SYT16: variants seen among roughly 807,000 people sequenced by gnomAD.
SYT16 encodes synaptotagmin-16.
A neutral mutation model predicts 61.4 loss-of-function variants in SYT16; 42 were observed. The observed-to-expected ratio is 0.68, with a 90% CI of 0.53 to 0.89. The LOEUF is 0.89. Among genes scored for constraint, SYT16 ranks in the 40% least tolerant of loss-of-function variants. The pLI is 0.00. For synonymous variants in SYT16, 314 were observed against 302.3 expected, an observed-to-expected ratio of 1.04 and a Z score of -0.40; for missense variants, 804 against 807.3, an observed-to-expected ratio of 1.00 and a Z score of 0.05.
At chr14:61,841,053 G>T (rs1292839515) in intron 1 of SYT16, among the ~76,000 whole-genome samples, 1 of 152,140 alleles carries the variant, frequency 6.6e-6, no homozygotes. Flanking sequence ...CAGTTTTGGG[G>T]ACTAGTAACC....
intron 7 of SYT16, among the ~76,000 whole-genome samples, chr14:62,090,679 A>G (rs533337358): frequency 5.3e-5 from 8 of 152,338 alleles, no homozygotes; most frequent in Admixed American, 4.6e-4. Context: ...TCATGATGAT[A>G]TCAAAGTTAA....
rs199836097 is a variant in SYT16, at chr14:61,855,946, G to A, written c.-325+43136G>A. Among the ~76,000 whole-genome samples, 15 of 152,334 alleles carry A rather than the reference G, an allele frequency of 9.8e-5. No individual in the cohort carries two copies. The East Asian group carries it at 2.9e-3, about 29-fold the overall frequency. ...TACAAGTAACATTTAAAATTAACAT[G>A]TGAATTTTATATCTTCCCATTCAAA... On this transcript the variant is annotated intron_variant, in intron 1 of 7. Coordinates refer to ENST00000683842, the MANE Select transcript of SYT16 (RefSeq NM_001367656.1).
intron 3 of SYT16, among the ~76,000 whole-genome samples, chr14:62,003,198 G>A (rs2053090349): frequency 1.3e-5 from 2 of 151,952 alleles, no homozygotes; most frequent in Non-Finnish European, 2.9e-5. Context: ...ATCTTGGTGG[G>A]GCTTCTTATT....
chr14:62,029,188 G>A (rs2054214583), intron 3 of SYT16, among the ~76,000 whole-genome samples: 2 of 152,278 alleles, frequency 1.3e-5, no homozygotes, highest in South Asian at 4.1e-4. Flanking sequence ...GAGTGCAGTG[G>A]CATGATCTCA....
intron 1 of SYT16, among the ~76,000 whole-genome samples, chr14:61,908,868 G>A (rs1013690823): frequency 1.2e-4 from 18 of 152,026 alleles, no homozygotes; most frequent in Non-Finnish European, 2.5e-4. Flanking sequence ...TGTCACCCAG[G>A]CTGGAGTGCA....
Position 62,099,875 on chromosome 14 carries a change from G to C in SYT16, c.1625-519G>C, listed in dbSNP as rs72720811. On this transcript the variant is annotated intron_variant, in intron 7 of 7. Transcript: ENST00000683842. ...CCTGGGCAACGGAGCAAGACCTTGT[G>C]TGTCTGTCTGTCTGTCTGTCTGTCT... Among the ~76,000 whole-genome samples the C allele has an allele frequency of 2.8e-4, 13 of 46,506 alleles. 1 individual carries two copies. The highest frequency in any genetic ancestry group is 7.6e-4 in the East Asian group (1 of 1,316). The allele number at this position is 46,506 out of a possible 152,430, so 30.5% of individuals were successfully genotyped here.
intron 1 of SYT16, among the ~76,000 whole-genome samples, chr14:61,820,235 G>T (rs2045570022): frequency 6.6e-6 from 1 of 152,176 alleles, no homozygotes; most frequent in South Asian, 2.1e-4. Flanking sequence ...TGAGCATGTG[G>T]ATTTGTGAAA....
chr14:62,084,643 T>C (rs768062323), intron 7 of SYT16, among the ~76,000 whole-genome samples: 2 of 152,182 alleles, frequency 1.3e-5, no homozygotes, highest in Non-Finnish European at 2.9e-5. Flanking sequence ...ATGAACAGCA[T>C]TTTCAGCAAC....
Position 61,942,955 on chromosome 14 carries a change from A to C in SYT16, c.-324-27177A>C, listed in dbSNP as rs567870169. 1.3e-3 allele frequency among the ~76,000 whole-genome samples: 193 copies of C among 152,294 alleles called. 1 individual carries two copies. Among genetic ancestry groups the C allele is most frequent in the African/African-American group, 3.6e-3 (151 of 41,560 alleles). ...AATGAATCCAGGAGCTGGTTTTTTG[A>C]AAAGATTAATAAAATAGATAGACCA... On this transcript the variant is annotated intron_variant, in intron 1 of 7. Coordinates refer to ENST00000683842, the MANE Select transcript of SYT16 (RefSeq NM_001367656.1).
intron 6 of SYT16, 47 bp from the exon 7 acceptor site, chr14:62,084,149 G>A: frequency 6.3e-7 from 1 of 1,578,442 alleles, no homozygotes; most frequent in African/African-American, 1.4e-5. Context: ...CTAAAAGAGA[G>A]TAGTGCAGCG....
chr14:61,951,311 C>T (rs1379046583), intron 1 of SYT16, among the ~76,000 whole-genome samples: 1 of 152,204 alleles, frequency 6.6e-6, no homozygotes, highest in Non-Finnish European at 1.5e-5. Flanking sequence ...TCCAGTTCTA[C>T]ACCTTACTTT....
rs371708869 is a variant in SYT16, at chr14:61,995,055, C to T, written c.-144-821C>T. Among the ~76,000 whole-genome samples, 10 of 151,332 alleles carry T rather than the reference C, an allele frequency of 6.6e-5. No homozygotes were observed. The East Asian group carries it at 1.7e-3, about 26-fold the overall frequency. ...CTGTAATAGCAATAAGATATATACACACATAATATACACACATATGTGTAT... is the reference window on the plus strand; with the variant it reads ...CTGTAATAGCAATAAGATATATACATACATAATATACACACATATGTGTAT... On this transcript the variant is annotated intron_variant, in intron 2 of 7. Transcript: ENST00000683842.
chr14:62,094,102 A>G (rs2057184991), intron 7 of SYT16, among the ~76,000 whole-genome samples: 1 of 152,094 alleles, frequency 6.6e-6, no homozygotes. Flanking sequence ...GACATTTATC[A>G]CTTCTCATAT....
intron 1 of SYT16, chr14:61,831,812 T>G (rs1018894323): frequency 3.3e-6 from 1 of 302,346 alleles, no homozygotes; most frequent in East Asian, 7.3e-5. Flanking sequence ...AGGCATGGAG[T>G]TATAGTATGG....
intron 1 of SYT16, among the ~76,000 whole-genome samples, chr14:61,826,960 T>C (rs902129593): frequency 6.6e-6 from 1 of 151,960 alleles, no homozygotes; most frequent in African/African-American, 2.4e-5. Context: ...TCGTGTTTTT[T>C]CCACTCTGCG....
intron 1 of SYT16, among the ~76,000 whole-genome samples, chr14:61,900,801 T>G (rs574828188): frequency 6.6e-6 from 1 of 152,310 alleles, no homozygotes; most frequent in Admixed American, 6.5e-5. Flanking sequence ...GCTTGGACTA[T>G]GTACCCACCA....
intron 2 of SYT16, among the ~76,000 whole-genome samples, chr14:61,974,381 C>T (rs1189864374): frequency 3.9e-5 from 6 of 152,170 alleles, no homozygotes; most frequent in Non-Finnish European, 8.8e-5. Context: ...GGCCCTTGTG[C>T]TTAGCTTAGT....
chr14:62,038,621 T>G (rs1029587113), intron 3 of SYT16, among the ~76,000 whole-genome samples: 1 of 152,086 alleles, frequency 6.6e-6, no homozygotes, highest in Non-Finnish European at 1.5e-5. Context: ...TTTGTGTCAT[T>G]TTGGTTTTGA....
At chr14:62,001,591 TGTGTTTTCTA>T (rs2053018629) in intron 3 of SYT16, among the ~76,000 whole-genome samples, 1 of 148,890 alleles carries the variant, frequency 6.7e-6, no homozygotes, top group South Asian at 2.1e-4. Flanking sequence ...TTGTTTTTCT[TGTGTTTTCTA>T]AGCTTATTAG....
Sources: gnomAD v4.1 joint callset for allele counts (sites outside exome capture counted in the v4.1 genomes callset) on GRCh38, gnomAD v4.1.1 for gene constraint, MANE v1.5 for transcripts, NCBI Gene and HGNC (gene_info 2026-07-23, HGNC 2026-07-21) for gene names.